The following CCDC18 variants were observed in gnomAD, a reference collection of about 807,000 sequenced individuals.
CCDC18 encodes coiled-coil domain containing 18.
A neutral mutation model predicts 196.0 loss-of-function variants in CCDC18; 157 were observed. The ratio of observed to expected loss-of-function variants is 0.80; its 90% CI spans 0.70 to 0.91. CCDC18 has a LOEUF of 0.91. CCDC18 is among the 40% of genes least tolerant of loss of function. The probability of loss-of-function intolerance (pLI) is 0.00; values close to 1 mark genes in which losing one functional copy is unlikely to be tolerated. For missense variants in CCDC18, 1,465 were observed against 1,611.6 expected (o/e 0.91, Z 1.56); for synonymous variants, 482 against 529.2 (o/e 0.91, Z 1.22).
At chr1:93,225,187 G>A (rs921665441) in intron 16 of CCDC18, among the ~76,000 whole-genome samples, 3 of 152,132 alleles carry the variant, frequency 2.0e-5, no homozygotes, top group Non-Finnish European at 4.4e-5. Context: ...GCATTAAGAG[G>A]AAGAACACCA....
chr1:93,260,077 G>A (rs1286273815), intron 26 of CCDC18, among the ~76,000 whole-genome samples: 1 of 152,120 alleles, frequency 6.6e-6, no homozygotes, highest in African/African-American at 2.4e-5. Context: ...CAGCCTCTAA[G>A]TAGCTGGGAG....
intron 14 of CCDC18, among the ~76,000 whole-genome samples, chr1:93,220,017 CTG>C (rs1299445415): frequency 2.0e-5 from 3 of 152,134 alleles, no homozygotes; most frequent in African/African-American, 7.2e-5. Context: ...GGAATAATGT[CTG>C]AAAACTTCAC....
At chr1:93,185,988 AATGTAGCT>A (rs1650605772) in intron 3 of CCDC18, among the ~76,000 whole-genome samples, 1 of 151,914 alleles carries the variant, frequency 6.6e-6, no homozygotes, top group Non-Finnish European at 1.5e-5. Context: ...ATCTCTGGAC[AATGTAGCT>A]ATGAATAGTT....
At chr1:93,194,625 G>T (rs1420790864) in intron 6 of CCDC18, among the ~76,000 whole-genome samples, 1 of 151,998 alleles carries the variant, frequency 6.6e-6, no homozygotes, top group African/African-American at 2.4e-5. Flanking sequence ...ATGAAAAAAA[G>T]AAATGTACCT....
At chr1:93,263,596 C>G (rs1396181854) in intron 26 of CCDC18, among the ~76,000 whole-genome samples, 2 of 152,172 alleles carry the variant, frequency 1.3e-5, no homozygotes, top group Non-Finnish European at 2.9e-5. Context: ...CTGAGACCAC[C>G]TGAGCTTGCA....
intron 27 of CCDC18, among the ~76,000 whole-genome samples, chr1:93,267,335 A>G (rs986636576): frequency 1.3e-5 from 2 of 152,382 alleles, no homozygotes; most frequent in South Asian, 2.1e-4. Context: ...AGCCAATATC[A>G]TACTGAATGG....
In CCDC18 at chr1:93,270,372, C is replaced by A; in HGVS notation, c.3911C>A (p.Ala1304Asp). 1.3e-6 allele frequency: 2 copies of A among 1,548,752 alleles called. No homozygotes were observed. Among genetic ancestry groups the A allele is most frequent in the Non-Finnish European group, 1.7e-6 (2 of 1,145,764 alleles). The change falls in exon 28 of 29, where the codon GCC becomes GAC. Residue 1304 changes from alanine to aspartate, a missense_variant. Coordinates refer to ENST00000690025, the MANE Select transcript of CCDC18 (RefSeq NM_001378204.1). ...TKESELTRLQ[A>D]KISGHEKAED... ...GAATCAGAATTAACCAGATTACAGGCCAAAATTTCTGGACATGAAAAGGCA... is the reference window on the plus strand; with the variant it reads ...GAATCAGAATTAACCAGATTACAGGACAAAATTTCTGGACATGAAAAGGCA...
chr1:93,270,587 C>A lies in CCDC18; in HGVS notation c.4126C>A (p.Gln1376Lys), dbSNP rs577284786. 16 of 1,550,226 alleles carry A rather than the reference C, an allele frequency of 1.0e-5. No individual in the cohort carries two copies. The highest frequency in any genetic ancestry group is 1.3e-5 in the Non-Finnish European group (15 of 1,146,890). Residue 1376 changes from glutamine to lysine, a missense_variant, in exon 28 of 29, where the codon CAG becomes AAG. Gln to Lys is a moderately conservative substitution (Grantham distance 53). Transcript: ENST00000690025. ...TGAAGATCTTTCTGAAGAATTACTA[C>A]AGGACTTAAAGAAAATGCAATTAGA... ...GDEDLSEELL[Q>K]DLKKMQLEQP... is the part of the protein sequence containing the mutation.
intron 18 of CCDC18, among the ~76,000 whole-genome samples, chr1:93,234,936 A>AGTGT (rs3223482): frequency 0.14 from 16,557 of 119,082 alleles, 1,263 homozygotes; most frequent in African/African-American, 0.17. Flanking sequence ...CCCAGCTAAG[A>AGTGT]GTGTGTGTGT....
At chr1:93,205,769 T>C in intron 8 of CCDC18, 138 bp downstream of exon 8, 1 of 762,244 alleles carries the variant, frequency 1.3e-6, no homozygotes, top group Non-Finnish European at 2.1e-6. Flanking sequence ...GAAACTGTTT[T>C]CTAGCTATAG....
intron 26 of CCDC18, among the ~76,000 whole-genome samples, chr1:93,263,979 C>T (rs372273559): frequency 6.6e-6 from 1 of 152,012 alleles, no homozygotes; most frequent in African/African-American, 2.4e-5. Flanking sequence ...GTGACAGTTG[C>T]AGGGTAATTT....
chr1:93,277,806 T>C (rs1167378749), intron 28 of CCDC18, among the ~76,000 whole-genome samples: 1 of 152,132 alleles, frequency 6.6e-6, no homozygotes, highest in Non-Finnish European at 1.5e-5. Context: ...TCCTTTTTCA[T>C]TGATTTTTTC....
intron 24 of CCDC18, among the ~76,000 whole-genome samples, chr1:93,255,230 C>T (rs2101073141): frequency 1.3e-5 from 2 of 152,070 alleles, no homozygotes; most frequent in South Asian, 2.1e-4. Flanking sequence ...GGATTACAGG[C>T]GTGAGCTACC....
intron 17 of CCDC18, among the ~76,000 whole-genome samples, chr1:93,229,782 A>G (rs1486837121): frequency 6.6e-6 from 1 of 152,220 alleles, no homozygotes; most frequent in Non-Finnish European, 1.5e-5. Flanking sequence ...TCATATTAAA[A>G]TGTTTTTAAC....
chr1:93,202,030 C>T lies in CCDC18; in HGVS notation c.795+42C>T. On this transcript the variant is annotated intron_variant, in intron 7 of 28. Transcript: ENST00000690025. ...CAAATTCAGTGTTTTGTATTACTGT[C>T]TATATTCCAACAGTAAAGGTAGGAA... 2.7e-6 allele frequency: 3 copies of T among 1,125,414 alleles called. No individual in the cohort carries two copies. The South Asian group carries it at 4.0e-5, about 15-fold the overall frequency. 69.7% of individuals were successfully genotyped at this position (1,125,414 alleles called of 1,614,324 possible).
chr1:93,272,930 G>A (rs1354546670), intron 28 of CCDC18, among the ~76,000 whole-genome samples: 1 of 144,556 alleles, frequency 6.9e-6, no homozygotes, highest in African/African-American at 2.8e-5. Context: ...GGATACAGGA[G>A]AGCAGTAGAG....
At position 93,264,934 on chromosome 1, in the gene CCDC18, C is replaced by G. The variant is rs1216856251; in HGVS notation, c.3885+33C>G. The stretch of plus-strand genomic sequence containing the variant: ...AACATATAAAAGTAATAAAGCATAT[C>G]TATGAAAACATAAATGTCTGACTTA... On this transcript the variant is annotated intron_variant, in intron 27 of 28. Transcript: ENST00000690025. 4 of 1,427,876 alleles carry G rather than the reference C, an allele frequency of 2.8e-6. No individual in the cohort carries two copies. In the South Asian group the frequency reaches 4.6e-5, roughly 17 times the overall value. The allele number at this position is 1,427,876 out of a possible 1,614,324, so 88.5% of individuals were successfully genotyped here. A position where few individuals can be genotyped will look rare whatever the true frequency, so the allele number is the denominator to read the frequency against.
At chr1:93,202,835 C>T (rs767579145) in intron 7 of CCDC18, among the ~76,000 whole-genome samples, 1 of 151,992 alleles carries the variant, frequency 6.6e-6, no homozygotes, top group African/African-American at 2.4e-5. Context: ...CAAATAATTT[C>T]AGTATTTTGG....
intron 16 of CCDC18, among the ~76,000 whole-genome samples, chr1:93,223,252 A>G (rs1657739610): frequency 6.6e-6 from 1 of 152,234 alleles, no homozygotes; most frequent in South Asian, 2.1e-4. Flanking sequence ...GAAATCAGCA[A>G]AAGAATGAAG....
Sources: allele counts gnomAD v4.1 joint callset (sites outside exome capture counted in the v4.1 genomes callset), GRCh38; gene constraint gnomAD v4.1.1; transcripts MANE v1.5; gene names NCBI Gene and HGNC (gene_info 2026-07-23, HGNC 2026-07-21).